The following ASIC2 variants were observed in gnomAD, a reference collection of about 807,000 sequenced individuals.
The protein encoded by ASIC2 is acid sensing ion channel subunit 2, also known as acid-sensing ion channel 2.
A neutral mutation model predicts 57.3 loss-of-function variants in ASIC2; 25 were observed. That is an observed-to-expected ratio of 0.44 (90% CI 0.32 to 0.61). The LOEUF (loss-of-function observed/expected upper bound fraction) is 0.61, where lower values mean the gene tolerates loss of function less well. Ranked by LOEUF, ASIC2 falls within the 20% of genes least tolerant of loss-of-function variation. ASIC2 has a pLI of 0.06. For synonymous variants in ASIC2, 319 were observed against 307.5 expected (o/e 1.04, Z -0.39); for missense variants, 641 against 738.1 (o/e 0.87, Z 1.52).
At chr17:33,304,978 A>C (rs547893497) in intron 1 of ASIC2, among the ~76,000 whole-genome samples, 48 of 152,096 alleles carry the variant, frequency 3.2e-4, no homozygotes, top group African/African-American at 1.1e-3. Context: ...TGGTGTTAGC[A>C]CCCGTGATGT....
chr17:33,340,231 A>G (rs1284898936), intron 1 of ASIC2, among the ~76,000 whole-genome samples: 2 of 152,142 alleles, frequency 1.3e-5, no homozygotes, highest in Non-Finnish European at 2.9e-5. Flanking sequence ...CTCTTGGAGC[A>G]GTGGGCCACT....
chr17:33,385,920 T>C (rs1478872798), intron 1 of ASIC2, among the ~76,000 whole-genome samples: 1 of 152,228 alleles, frequency 6.6e-6, no homozygotes, highest in East Asian at 1.9e-4. Context: ...GGGGCTCTTA[T>C]GATGGTGATC....
At chr17:33,658,608 CTTG>C (rs1907150762) in intron 1 of ASIC2, among the ~76,000 whole-genome samples, 1 of 152,176 alleles carries the variant, frequency 6.6e-6, no homozygotes, top group Non-Finnish European at 1.5e-5. Context: ...ATGGTGACTT[CTTG>C]TTGTGTCTGC....
At chr17:34,120,717 T>TA (rs1911587252) in intron 1 of ASIC2, among the ~76,000 whole-genome samples, 1 of 135,338 alleles carries the variant, frequency 7.4e-6, no homozygotes, top group Non-Finnish European at 1.6e-5. Flanking sequence ...ATGACTGGGG[T>TA]CCTTCTTTTT....
intron 1 of ASIC2, among the ~76,000 whole-genome samples, chr17:33,753,976 G>A (rs187414416): frequency 6.6e-6 from 1 of 152,158 alleles, no homozygotes; most frequent in Non-Finnish European, 1.5e-5. Flanking sequence ...TGCCGGAAGA[G>A]AGCGTACATA....
chr17:33,413,245 A>C (rs1910725978), intron 1 of ASIC2, among the ~76,000 whole-genome samples: 1 of 152,238 alleles, frequency 6.6e-6, no homozygotes, highest in Admixed American at 6.5e-5. Flanking sequence ...AAGCCTCAGC[A>C]GGGAATTAGC....
intron 1 of ASIC2, among the ~76,000 whole-genome samples, chr17:33,539,926 G>A (rs1915354415): frequency 6.6e-6 from 1 of 152,194 alleles, no homozygotes; most frequent in Non-Finnish European, 1.5e-5. Context: ...GAAGGGGCAG[G>A]GACAGCGGAG....
At chr17:33,548,425 C>A (rs893062073) in intron 1 of ASIC2, among the ~76,000 whole-genome samples, 2 of 152,118 alleles carry the variant, frequency 1.3e-5, no homozygotes, top group African/African-American at 4.8e-5. Context: ...TTGCTTGTTC[C>A]GCTCAGTGTT....
chr17:33,310,096 A>G (rs1906346438), intron 1 of ASIC2, among the ~76,000 whole-genome samples: 1 of 151,560 alleles, frequency 6.6e-6, no homozygotes, highest in South Asian at 2.1e-4. Flanking sequence ...TTGTTATACC[A>G]TTATTTGATG....
Position 34,156,021 on chromosome 17 carries a change from C to T in ASIC2, c.512G>A (p.Cys171Tyr). ...GCCGCACTCCTGCCCTTTGAACTTG[C>T]AGTAGAGCATCATATCCTTCAGGTC... is the stretch of plus-strand genomic sequence containing the variant. The change falls in exon 1 of 10, where the codon TGC (cysteine) becomes TAC (tyrosine). Residue 171 changes from cysteine (C) to tyrosine (Y), a missense_variant. Transcript: ENST00000359872. This position sits in a 1 kb window ranked among gnomAD's most constrained non-coding sequence, Gnocchi z 4.4. The T allele has an allele frequency of 6.2e-7, 1 of 1,613,624 alleles. No homozygotes were observed. Among genetic ancestry groups the T allele is most frequent in the Non-Finnish European group, 8.5e-7 (1 of 1,179,800 alleles).
chr17:34,122,999 G>A (rs1422237392), intron 1 of ASIC2, among the ~76,000 whole-genome samples: 3 of 152,144 alleles, frequency 2.0e-5, no homozygotes, highest in Non-Finnish European at 4.4e-5. Flanking sequence ...CTTCAGTAGG[G>A]AAGTCCATCA....
At chr17:34,116,766 A>G (rs1911434300) in intron 1 of ASIC2, among the ~76,000 whole-genome samples, 1 of 152,146 alleles carries the variant, frequency 6.6e-6, no homozygotes, top group Admixed American at 6.5e-5. Flanking sequence ...TGATTCTGTT[A>G]AGAATCTTGG....
intron 1 of ASIC2, among the ~76,000 whole-genome samples, chr17:33,221,863 T>C (rs1042015700): frequency 1.1e-4 from 8 of 74,048 alleles, no homozygotes; most frequent in African/African-American, 3.2e-4. Flanking sequence ...GCTAGCCCGA[T>C]AGATGTTTAA....
At chr17:33,295,763 A>G (rs916108919), upstream of ASIC2, among the ~76,000 whole-genome samples, 1 of 152,202 alleles carries the variant, frequency 6.6e-6, no homozygotes, top group Non-Finnish European at 1.5e-5. Flanking sequence ...AACAACTACT[A>G]TACGCCAGGT....
At chr17:33,398,304 G>C (rs1430812370) in intron 1 of ASIC2, among the ~76,000 whole-genome samples, 1 of 152,164 alleles carries the variant, frequency 6.6e-6, no homozygotes. Flanking sequence ...CTAAATACTT[G>C]TTGAGTGAAT....
intron 1 of ASIC2, among the ~76,000 whole-genome samples, chr17:33,932,308 A>T (rs1452074160): frequency 6.6e-6 from 1 of 152,214 alleles, no homozygotes; most frequent in Non-Finnish European, 1.5e-5. Context: ...TACACATCAG[A>T]TTTTGAAGAC....
chr17:33,579,737 C>G (rs993130677), intron 1 of ASIC2, among the ~76,000 whole-genome samples: 1 of 152,154 alleles, frequency 6.6e-6, no homozygotes, highest in Non-Finnish European at 1.5e-5. Context: ...AGTGCGGACC[C>G]AAACACTAAA....
intron 2 of ASIC2, among the ~76,000 whole-genome samples, chr17:33,106,712 G>A (rs2092236137): frequency 1.3e-5 from 2 of 151,988 alleles, no homozygotes; most frequent in African/African-American, 4.8e-5. Context: ...CCAGGGGCGG[G>A]CACCTGACTG....
chr17:33,812,472 G>A (rs73986744), intron 1 of ASIC2, among the ~76,000 whole-genome samples: 20,003 of 152,094 alleles, frequency 0.13, 1,395 homozygotes, highest in East Asian at 0.19. Context: ...GAGCACTCAG[G>A]GGAGGCCAGA....
Sources: gnomAD v4.1 joint callset for allele counts (sites outside exome capture counted in the v4.1 genomes callset) on GRCh38, gnomAD v4.1.1 for gene constraint, Gnocchi (gnomAD v3.1) non-coding constraint, MANE v1.5 for transcripts, NCBI Gene and HGNC (gene_info 2026-07-23, HGNC 2026-07-21) for gene names.